Variants in HDGF observed in about 807,000 individuals in gnomAD.
HDGF encodes the protein heparin binding growth factor.
Under a neutral mutation model 30.0 loss-of-function variants are expected in HDGF, and 5 were observed. That is an observed-to-expected ratio of 0.17 (90% CI 0.09 to 0.35). The LOEUF is 0.35. Ranked by LOEUF, HDGF falls within the 10% of genes least tolerant of loss-of-function variation. The pLI, the probability that HDGF is intolerant of heterozygous loss-of-function variation, is 1.00. For synonymous variants in HDGF, 133 were observed against 112.7 expected, an observed-to-expected ratio of 1.18 and a Z score of -1.14; for missense variants, 214 against 302.8, an observed-to-expected ratio of 0.71 and a Z score of 2.18.
intron 1 of HDGF, among the ~76,000 whole-genome samples, chr1:156,750,073 G>A (rs1650858232): frequency 6.6e-6 from 1 of 152,174 alleles, no homozygotes; most frequent in South Asian, 2.1e-4. Context: ...GTGGGATTAG[G>A]CACACTCCTG....
chr1:156,755,345 G>A (rs1301550600), upstream of HDGF, among the ~76,000 whole-genome samples: 2 of 152,208 alleles, frequency 1.3e-5, no homozygotes, highest in Non-Finnish European at 2.9e-5. Context: ...GCTGACAGCA[G>A]CGGAGAGATG....
chr1:156,744,982 G>T (rs778602595), intron 3 of HDGF, 26 bp downstream of exon 3: 1 of 1,613,128 alleles, frequency 6.2e-7, no homozygotes, highest in South Asian at 1.1e-5. Flanking sequence ...CTTTCCAGGG[G>T]GTCTCTGGGG....
intron 1 of HDGF, among the ~76,000 whole-genome samples, chr1:156,762,327 G>A (rs1480413993): frequency 6.6e-6 from 1 of 151,780 alleles, no homozygotes; most frequent in Non-Finnish European, 1.5e-5. Context: ...TGAGACAGGA[G>A]GATTGCTTGA....
intron 1 of HDGF, among the ~76,000 whole-genome samples, chr1:156,748,832 G>A (rs1650773874): frequency 6.6e-6 from 1 of 152,224 alleles, no homozygotes; most frequent in South Asian, 2.1e-4. Context: ...ATCTGGGGCA[G>A]GAGACAGTTG....
At chr1:156,743,556 C>A in intron 5 of HDGF, 96 bp downstream of exon 5, 1 of 1,572,324 alleles carries the variant, frequency 6.4e-7, no homozygotes, top group South Asian at 1.1e-5. Flanking sequence ...CCCTGCCTCC[C>A]GAGAGGCTGA....
upstream of HDGF, chr1:156,751,956 G>C: frequency 7.6e-7 from 1 of 1,313,440 alleles, no homozygotes; most frequent in Non-Finnish European, 1.0e-6. This position sits in a 1 kb window ranked among gnomAD's most constrained non-coding sequence, Gnocchi z 4.7. Context: ...GCGGTCGGTG[G>C]GTGCCCGCCC....
At chr1:156,759,631 G>A (rs1237377272) in intron 1 of HDGF, among the ~76,000 whole-genome samples, 1 of 152,064 alleles carries the variant, frequency 6.6e-6, no homozygotes, top group Non-Finnish European at 1.5e-5. Flanking sequence ...ACAGGCGCAC[G>A]CCACCATGCC....
chr1:156,743,347 G>C lies in HDGF; in HGVS notation c.*102C>G. On this transcript the variant is annotated 3_prime_UTR_variant, in exon 6 of 6. Coordinates refer to ENST00000357325, the MANE Select transcript of HDGF (RefSeq NM_004494.3). ...TGAGTAGAAGAGGAGAGCAGGTTGGGGTGGGAAAGGGGTTCCCAGTTTGCA... is the reference window on the plus strand; with the variant it reads ...TGAGTAGAAGAGGAGAGCAGGTTGGCGTGGGAAAGGGGTTCCCAGTTTGCA... 1.7e-6 allele frequency: 2 copies of C among 1,209,964 alleles called. No homozygotes were observed. The highest frequency in any genetic ancestry group is 1.5e-5 in the South Asian group (1 of 67,524). The allele number at this position is 1,209,964 out of a possible 1,614,324, so 75.0% of individuals were successfully genotyped here.
intron 1 of HDGF, among the ~76,000 whole-genome samples, chr1:156,749,456 G>A (rs1421458481): frequency 6.6e-6 from 1 of 152,216 alleles, no homozygotes; most frequent in Non-Finnish European, 1.5e-5. Flanking sequence ...ATCCCTGCAA[G>A]TATCACAATC....
upstream of HDGF, chr1:156,752,031 C>T (rs1316183672): frequency 6.5e-7 from 1 of 1,550,372 alleles, no homozygotes; most frequent in South Asian, 1.2e-5. Context: ...CTCCGCGGAG[C>T]GCTCACCACC....
intron 1 of HDGF, among the ~76,000 whole-genome samples, chr1:156,766,283 A>T (rs1334771748): frequency 6.6e-6 from 1 of 152,152 alleles, no homozygotes; most frequent in African/African-American, 2.4e-5. Context: ...CAACCTTTCC[A>T]ATTTTCTCTT....
upstream of HDGF, among the ~76,000 whole-genome samples, chr1:156,753,566 A>G (rs995162731): frequency 6.6e-6 from 1 of 152,180 alleles, no homozygotes; most frequent in Non-Finnish European, 1.5e-5. Context: ...CTATCTATCT[A>G]TCTGAGACAG....
At chr1:156,750,591 C>T (rs190369373) in intron 1 of HDGF, 1 of 152,360 alleles carries the variant, frequency 6.6e-6, no homozygotes, top group African/African-American at 2.4e-5. Context: ...CTAACCCCTA[C>T]TAAGAGGCAG....
At chr1:156,754,108 G>A (rs1330572393), upstream of HDGF, among the ~76,000 whole-genome samples, 7 of 152,062 alleles carry the variant, frequency 4.6e-5, no homozygotes, top group Admixed American at 3.9e-4. Context: ...TAGAGACGGG[G>A]TTTCACCATG....
intron 1 of HDGF, among the ~76,000 whole-genome samples, chr1:156,765,405 TTTTCTTTCTTTC>T (rs61168651): frequency 6.7e-6 from 1 of 148,846 alleles, no homozygotes. Context: ...CTTTATCCAT[TTTTCTTTCTTTC>T]TTTCTTTCTC....
rs899519912 is a variant in HDGF, at chr1:156,744,119, G to A, written c.489+44C>T. 3.1e-6 allele frequency: 5 copies of A among 1,587,574 alleles called. No individual in the cohort carries two copies. In the African/African-American group the frequency reaches 6.7e-5, roughly 21 times the overall value. On this transcript the variant is annotated intron_variant, in intron 4 of 5. Coordinates refer to ENST00000357325, the MANE Select transcript of HDGF (RefSeq NM_004494.3). The stretch of plus-strand genomic sequence containing the variant: ...CCCTGCTCCTGTGGGATACCCCATG[G>A]GGAATGTTGAGGGGGGCCCAGGCCC...
At chr1:156,749,809 C>A (rs1571552831) in intron 1 of HDGF, among the ~76,000 whole-genome samples, 2 of 151,998 alleles carry the variant, frequency 1.3e-5, no homozygotes, top group African/African-American at 2.4e-5. Context: ...TCCCCAAGGG[C>A]TTAGTCCAGC....
upstream of HDGF, chr1:156,751,791 C>G: frequency 8.6e-7 from 1 of 1,156,430 alleles, no homozygotes; most frequent in Non-Finnish European, 1.1e-6. The surrounding 1 kb of genome is among the most constrained non-coding windows in gnomAD (Gnocchi z 4.7). Context: ...GCCCCCCAAC[C>G]TCGCGCTCCC....
In HDGF at chr1:156,745,002, G is replaced by A. The variant is rs1325373041; in HGVS notation, c.303+6C>T. On this transcript the variant is annotated splice_donor_region_variant and intron_variant, in intron 3 of 5. Transcript: ENST00000357325. ...CAGGGGGTCTCTGGGGCAGGCGGTG[G>A]CTCACCTGATAGCCGGAAGCCTTGA... The A allele has an allele frequency of 5.6e-6, 9 of 1,613,910 alleles. No homozygotes were observed. The highest frequency in any genetic ancestry group is 7.6e-6 in the Non-Finnish European group (9 of 1,179,908).
Sources: allele counts gnomAD v4.1 joint callset (sites outside exome capture counted in the v4.1 genomes callset), GRCh38; gene constraint gnomAD v4.1.1; non-coding constraint Gnocchi (gnomAD v3.1); transcripts MANE v1.5; gene names NCBI Gene and HGNC (gene_info 2026-07-23, HGNC 2026-07-21).